The following AVEN variants were observed in gnomAD, a reference collection of about 807,000 sequenced individuals.
AVEN encodes the protein cell death regulator Aven.
A neutral mutation model predicts 38.1 loss-of-function variants in AVEN; 41 were observed. The observed-to-expected ratio is 1.08, with a 90% CI of 0.84 to 1.40. AVEN has a LOEUF of 1.40. Among genes scored for constraint, AVEN ranks in the 40% most tolerant of loss-of-function variants. The pLI, the probability that AVEN is intolerant of heterozygous loss-of-function variation, is 0.00. For synonymous variants in AVEN, 206 were observed against 171.8 expected (o/e 1.20, Z -1.56); for missense variants, 605 against 438.8 (o/e 1.38, Z -3.38).
At chr15:33,860,704 C>G (rs1321224294) in intron 11 of AVEN, 8 of 1,338,548 alleles carry the variant, frequency 6.0e-6, no homozygotes, top group Non-Finnish European at 8.3e-6. Flanking sequence ...TTTAATATCC[C>G]CAGAAGCAAA....
chr15:34,053,315 AAAAAATAT>A (rs1187563603), intron 5 of AVEN, among the ~76,000 whole-genome samples: 5 of 87,344 alleles, frequency 5.7e-5, no homozygotes, highest in African/African-American at 2.3e-4. Flanking sequence ...AAAAAAAAAA[AAAAAATAT>A]ATATATATAT....
the AVEN span, chr15:33,853,592 G>C: frequency 6.2e-7 from 1 of 1,613,928 alleles, no homozygotes; most frequent in Non-Finnish European, 8.5e-7. Flanking sequence ...GGAGCAGAAC[G>C]CATTGCTGAA....
At chr15:33,854,484 C>A (rs757433632), downstream of AVEN, 4 of 1,512,822 alleles carry the variant, frequency 2.6e-6, no homozygotes, top group East Asian at 4.8e-5. Flanking sequence ...AAATTCTATA[C>A]CCCAGTTCAG....
intron 2 of AVEN, among the ~76,000 whole-genome samples, chr15:33,992,345 G>A (rs1896761948): frequency 6.6e-6 from 1 of 152,004 alleles, no homozygotes; most frequent in Non-Finnish European, 1.5e-5. Flanking sequence ...AGCCGAGATT[G>A]CGCCACTGCA....
intron 2 of AVEN, among the ~76,000 whole-genome samples, chr15:33,924,427 T>G (rs140604737): frequency 0.011 from 1,650 of 152,250 alleles, 24 homozygotes; most frequent in African/African-American, 0.038. Context: ...CCTCCCAGGT[T>G]CAGGTGATGT....
At chr15:33,942,067 G>A (rs1219166727) in intron 2 of AVEN, among the ~76,000 whole-genome samples, 2 of 152,076 alleles carry the variant, frequency 1.3e-5, no homozygotes, top group Non-Finnish European at 2.9e-5. Context: ...GACACAAATC[G>A]TTACAGCACT....
intron 1 of AVEN, among the ~76,000 whole-genome samples, chr15:34,071,165 G>T (rs1900616883): frequency 6.6e-6 from 1 of 152,118 alleles, no homozygotes; most frequent in African/African-American, 2.4e-5. Context: ...GGGTTATCTT[G>T]CATGAATGGA....
downstream of AVEN, among the ~76,000 whole-genome samples, chr15:33,857,468 C>G (rs1383630958): frequency 5.9e-5 from 9 of 152,250 alleles, no homozygotes; most frequent in South Asian, 1.5e-3. Flanking sequence ...GTATCTCCAT[C>G]TCCAAATACA....
At chr15:34,062,569 A>AG in intron 5 of AVEN, 1 of 688,214 alleles carries the variant, frequency 1.5e-6, no homozygotes, top group African/African-American at 1.8e-5. Flanking sequence ...AAAAAAAAAA[A>AG]AAAAACTATA....
chr15:33,914,135 TAA>T (rs77898265), intron 2 of AVEN, among the ~76,000 whole-genome samples: 20,951 of 146,198 alleles, frequency 0.14, 1,630 homozygotes, highest in Middle Eastern at 0.24. Flanking sequence ...ATGTCAGTTC[TAA>T]GTTAATGTAT....
chr15:34,012,790 T>C (rs572268686), intron 1 of AVEN, among the ~76,000 whole-genome samples: 7 of 152,220 alleles, frequency 4.6e-5, no homozygotes, highest in Non-Finnish European at 8.8e-5. Flanking sequence ...GGAACCTAGA[T>C]AGGTCAAGCC....
In AVEN at chr15:34,063,961, C is replaced by A; in HGVS notation, n.1127-529G>T. The stretch of plus-strand genomic sequence containing the variant: ...TTCCCAGTGGCCAAGGAACCTTCAA[C>A]GAAAGGCCTCAATCCCAACCCCAGC... On this transcript the variant is annotated intron_variant and non_coding_transcript_variant, in intron 4 of 11. Coordinates refer to the AVEN transcript ENST00000675287. The surrounding 1 kb of genome is among the most constrained non-coding windows in gnomAD (Gnocchi z 4.1). 6.2e-7 allele frequency: 1 copy of A among 1,614,110 alleles called. No homozygotes were observed. The highest frequency in any genetic ancestry group is 8.5e-7 in the Non-Finnish European group (1 of 1,180,018).
chr15:34,023,626 A>C (rs2140727159), intron 1 of AVEN, among the ~76,000 whole-genome samples: 1 of 152,268 alleles, frequency 6.6e-6, no homozygotes, highest in East Asian at 1.9e-4. Flanking sequence ...AAAATAAAAA[A>C]ACTCTCTGAC....
At chr15:33,904,425 G>C (rs1021094017) in intron 2 of AVEN, among the ~76,000 whole-genome samples, 6 of 152,028 alleles carry the variant, frequency 3.9e-5, no homozygotes, top group African/African-American at 1.4e-4. Flanking sequence ...GTTTTGTTTT[G>C]TTTGAGACAG....
intron 2 of AVEN, among the ~76,000 whole-genome samples, chr15:33,956,596 C>A (rs1486410680): frequency 6.6e-6 from 1 of 152,130 alleles, no homozygotes; most frequent in Non-Finnish European, 1.5e-5. Context: ...TCTCCCCTGC[C>A]CACACACACA....
At chr15:33,928,614 A>G (rs556556293) in intron 2 of AVEN, among the ~76,000 whole-genome samples, 3 of 152,316 alleles carry the variant, frequency 2.0e-5, no homozygotes, top group South Asian at 4.1e-4. Context: ...ATAGAGCTCT[A>G]TGCATCCAAG....
At chr15:33,961,657 C>CA (rs1288522528) in intron 2 of AVEN, among the ~76,000 whole-genome samples, 6 of 151,314 alleles carry the variant, frequency 4.0e-5, no homozygotes, top group Admixed American at 2.6e-4. Context: ...ACTAAAAACA[C>CA]AAAAAATTAG....
intron 1 of AVEN, among the ~76,000 whole-genome samples, chr15:34,018,894 A>G (rs1215137251): frequency 5.5e-5 from 8 of 146,448 alleles, no homozygotes; most frequent in Admixed American, 5.5e-4. Context: ...CTAAACACAG[A>G]GTGCTGATTG....
intron 1 of AVEN, 83 bp downstream of exon 1, chr15:34,038,697 C>G (rs1176256620): frequency 1.7e-5 from 19 of 1,092,522 alleles, no homozygotes; most frequent in Non-Finnish European, 2.0e-5. Flanking sequence ...CTGGCACGCT[C>G]TCTTGCGGCT....
Sources: gnomAD v4.1 joint callset for allele counts (sites outside exome capture counted in the v4.1 genomes callset) on GRCh38, gnomAD v4.1.1 for gene constraint, Gnocchi (gnomAD v3.1) non-coding constraint, MANE v1.5 for transcripts, NCBI Gene and HGNC (gene_info 2026-07-23, HGNC 2026-07-21) for gene names.